Variants in TIAM2 observed in about 807,000 individuals in gnomAD.
The protein encoded by TIAM2 is TIAM Rac1 associated GEF 2, also known as rho guanine nucleotide exchange factor TIAM2.
TIAM2 carries 80 observed loss-of-function variants against 152.9 expected under a neutral mutation model. The ratio of observed to expected loss-of-function variants is 0.52; its 90% CI spans 0.44 to 0.63. The LOEUF is 0.63. TIAM2 is among the 30% of genes least tolerant of loss of function. TIAM2 has a pLI of 0.00. For missense variants in TIAM2, 1,965 were observed against 2,120.1 expected (o/e 0.93, Z 1.44); for synonymous variants, 804 against 838.0 (o/e 0.96, Z 0.70).
At chr6:155,179,568 A>G in intron 12 of TIAM2, 112 bp downstream of exon 12, 1 of 935,376 alleles carries the variant, frequency 1.1e-6, no homozygotes, top group Admixed American at 2.7e-5. Context: ...TTCAGAATAT[A>G]TGACAGTAGT....
chr6:155,147,228 G>C (rs1281554755), intron 6 of TIAM2, among the ~76,000 whole-genome samples: 1 of 147,938 alleles, frequency 6.8e-6, no homozygotes, highest in South Asian at 2.1e-4. Flanking sequence ...TTATATCCAG[G>C]TTTCAAAATT....
chr6:155,080,737 C>T (rs539318581), intron 1 of TIAM2, among the ~76,000 whole-genome samples: 4 of 152,188 alleles, frequency 2.6e-5, no homozygotes, highest in South Asian at 4.1e-4. Context: ...CCAGCTGCAA[C>T]GTGGCATCTT....
chr6:155,006,673 T>A (rs1022295691), intron 1 of TIAM2, among the ~76,000 whole-genome samples: 4 of 66,610 alleles, frequency 6.0e-5, no homozygotes, highest in African/African-American at 1.8e-4. Context: ...CTCCCCCACC[T>A]CCCCCCACCA....
intron 15 of TIAM2, among the ~76,000 whole-genome samples, chr6:155,219,757 T>C (rs1031327838): frequency 5.3e-4 from 80 of 152,094 alleles, no homozygotes; most frequent in African/African-American, 1.9e-3. Context: ...ACGGTGGCTA[T>C]AGAAGACATT....
intron 15 of TIAM2, among the ~76,000 whole-genome samples, chr6:155,216,087 G>A (rs764088135): frequency 5.9e-5 from 9 of 152,168 alleles, no homozygotes; most frequent in African/African-American, 9.7e-5. Context: ...GGGATTACAG[G>A]TGTGAGTCAC....
At chr6:155,087,986 C>G (rs182063628) in intron 1 of TIAM2, among the ~76,000 whole-genome samples, 49 of 151,734 alleles carry the variant, frequency 3.2e-4, no homozygotes, top group African/African-American at 1.0e-3. Context: ...ATCCTGATAT[C>G]CTATAAATGA....
intron 14 of TIAM2, among the ~76,000 whole-genome samples, chr6:155,208,385 A>G (rs541529132): frequency 6.6e-6 from 1 of 152,176 alleles, no homozygotes; most frequent in East Asian, 1.9e-4. Context: ...TTATGCACTG[A>G]TGTTTCCATG....
chr6:155,206,816 T>A (rs1781607138), intron 14 of TIAM2, among the ~76,000 whole-genome samples: 1 of 152,158 alleles, frequency 6.6e-6, no homozygotes, highest in Admixed American at 6.5e-5. Context: ...CCACGAGAAA[T>A]GTGATGAGAA....
chr6:155,118,033 T>C (rs530984815), intron 2 of TIAM2, among the ~76,000 whole-genome samples: 1 of 152,366 alleles, frequency 6.6e-6, no homozygotes, highest in Non-Finnish European at 1.5e-5. Flanking sequence ...AGCTGTTGGC[T>C]ACTGTGGACT....
chr6:155,247,914 G>C, intron 19 of TIAM2, 86 bp from the exon 20 acceptor site: 1 of 1,461,612 alleles, frequency 6.8e-7, no homozygotes, highest in Non-Finnish European at 9.3e-7. Context: ...TATAGAAATA[G>C]ATGATCTATA....
chr6:155,060,618 A>G (rs1777555881), intron 1 of TIAM2, among the ~76,000 whole-genome samples: 1 of 151,652 alleles, frequency 6.6e-6, no homozygotes. Context: ...TTGGGGAGCT[A>G]GGTGCAGTGG....
At chr6:155,254,291 C>T (rs559778133) in intron 25 of TIAM2, 128 bp from the exon 26 acceptor site, 3 of 1,278,490 alleles carry the variant, frequency 2.3e-6, no homozygotes, top group South Asian at 2.8e-5. Flanking sequence ...CCACATGGCA[C>T]TGCTGCTGGG....
chr6:154,995,372 G>C lies in TIAM2; in HGVS notation c.-329G>C, dbSNP rs1778195212. On this transcript the variant is annotated 5_prime_UTR_variant, in exon 1 of 27. Transcript: ENST00000682666. This position sits in a 1 kb window ranked among gnomAD's most constrained non-coding sequence, Gnocchi z 5.2. ...CAGGCGCACAGCGCGCGTCCAAGTG[G>C]AGAACAAAGTGACCCCCAGAACTTC... The C allele has an allele frequency of 6.6e-6, 1 of 151,106 alleles. No homozygotes were observed. Among genetic ancestry groups the C allele is most frequent in the Non-Finnish European group, 1.5e-5 (1 of 67,658 alleles). The allele number at this position is 151,106 out of a possible 1,614,324, so 9.4% of individuals were successfully genotyped here. A position where few individuals can be genotyped will look rare whatever the true frequency, so the allele number is the denominator to read the frequency against.
chr6:155,089,291 C>T (rs1326486024), intron 1 of TIAM2, among the ~76,000 whole-genome samples: 2 of 152,096 alleles, frequency 1.3e-5, no homozygotes, highest in African/African-American at 4.8e-5. Context: ...TATCTCAGCT[C>T]ATTGCAACCT....
chr6:155,186,558 GATA>G lies in TIAM2; in HGVS notation c.3064+3061_3064+3063del, dbSNP rs1217157540. Among the ~76,000 whole-genome samples, 2 of 152,168 alleles carry G rather than the reference GATA, an allele frequency of 1.3e-5. No homozygotes were observed. The highest frequency in any genetic ancestry group is 4.8e-5 in the African/African-American group (2 of 41,446). On this transcript the variant is annotated intron_variant, in intron 14 of 26. Transcript: ENST00000682666. This position sits in a 1 kb window ranked among gnomAD's most constrained non-coding sequence, Gnocchi z 4.5. Reference sequence around the variant, plus strand: ...TGAGCCTCACTTTTCTCATCCAGAGGATAATGTTTCTCCCCTGCCCCTGTGGTC... The same window carrying G: ...TGAGCCTCACTTTTCTCATCCAGAGGATGTTTCTCCCCTGCCCCTGTGGTC...
intron 15 of TIAM2, among the ~76,000 whole-genome samples, chr6:155,215,750 A>G (rs929307155): frequency 1.4e-5 from 2 of 144,164 alleles, no homozygotes; most frequent in Non-Finnish European, 3.0e-5. Flanking sequence ...TTTTGGAAAC[A>G]TCGTGTTATA....
chr6:155,169,225 G>A (rs1464441862), intron 9 of TIAM2, among the ~76,000 whole-genome samples: 1 of 152,078 alleles, frequency 6.6e-6, no homozygotes, highest in Non-Finnish European at 1.5e-5. Flanking sequence ...TCGATCTCCT[G>A]ACCTTGTGAT....
chr6:155,250,879 C>T (rs767164047), intron 21 of TIAM2, 34 bp from the exon 22 acceptor site: 51 of 1,597,332 alleles, frequency 3.2e-5, no homozygotes, highest in South Asian at 6.6e-5. Flanking sequence ...CTGGGATTTC[C>T]GTATCTTCCT....
At chr6:155,243,960 G>T in intron 16 of TIAM2, 51 bp from the exon 17 acceptor site, 1 of 1,539,970 alleles carries the variant, frequency 6.5e-7, no homozygotes, top group Non-Finnish European at 9.0e-7. Context: ...AAATCTCATG[G>T]GTATTTTGGA....
Sources: allele counts gnomAD v4.1 joint callset (sites outside exome capture counted in the v4.1 genomes callset), GRCh38; gene constraint gnomAD v4.1.1; non-coding constraint Gnocchi (gnomAD v3.1); transcripts MANE v1.5; gene names NCBI Gene and HGNC (gene_info 2026-07-23, HGNC 2026-07-21).